Variants in TAF12 observed in about 807,000 individuals in gnomAD.
TAF12 encodes transcription initiation factor TFIID subunit 12.
In TAF12, 3 loss-of-function variants were observed where a neutral mutation model predicts 20.8. The ratio of observed to expected loss-of-function variants is 0.14; its 90% CI spans 0.07 to 0.37. TAF12 has a LOEUF of 0.37. Ranked by LOEUF, TAF12 falls within the 10% of genes least tolerant of loss-of-function variation. The probability of loss-of-function intolerance (pLI) is 1.00; values close to 1 mark genes in which losing one functional copy is unlikely to be tolerated. For synonymous variants in TAF12, 69 were observed against 70.2 expected (o/e 0.98, Z 0.09); for missense variants, 131 against 197.9 (o/e 0.66, Z 2.03).
chr1:28,616,448 G>A (rs1284434327), intron 3 of TAF12, among the ~76,000 whole-genome samples: 2 of 150,052 alleles, frequency 1.3e-5, no homozygotes, highest in Non-Finnish European at 3.0e-5. Flanking sequence ...AAGTTATATG[G>A]ACCAGCAGGC....
intron 1 of TAF12, among the ~76,000 whole-genome samples, chr1:28,640,874 A>C (rs1326839958): frequency 6.6e-6 from 1 of 152,064 alleles, no homozygotes; most frequent in Non-Finnish European, 1.5e-5. Context: ...CCAAGAATTC[A>C]ACAGCAGCCT....
intron 4 of TAF12, among the ~76,000 whole-genome samples, chr1:28,611,087 G>C (rs1043037046): frequency 2.6e-5 from 4 of 151,870 alleles, no homozygotes; most frequent in African/African-American, 9.7e-5. Context: ...TGTTAGAAAA[G>C]GCCATGAAGT....
chr1:28,603,875 A>T (rs1228637674), intron 5 of TAF12, among the ~76,000 whole-genome samples: 1 of 152,136 alleles, frequency 6.6e-6, no homozygotes, highest in African/African-American at 2.4e-5. Flanking sequence ...TGACTTAGAG[A>T]ATAAGCTGGC....
chr1:28,627,854 A>G (rs1176067064), intron 1 of TAF12, among the ~76,000 whole-genome samples: 2 of 152,012 alleles, frequency 1.3e-5, no homozygotes, highest in African/African-American at 4.8e-5. Context: ...TAAAAACTAA[A>G]CGAAACAAAA....
chr1:28,608,816 A>T (rs1039649351), intron 4 of TAF12, among the ~76,000 whole-genome samples: 1 of 151,558 alleles, frequency 6.6e-6, no homozygotes, highest in African/African-American at 2.4e-5. Flanking sequence ...GAGGGCGCCT[A>T]CGTAATCCCA....
chr1:28,626,535 C>T (rs1473867787), intron 1 of TAF12, among the ~76,000 whole-genome samples: 2 of 142,548 alleles, frequency 1.4e-5, no homozygotes, highest in Non-Finnish European at 3.0e-5. Context: ...GGGCCGAGAT[C>T]ATGCCACTGC....
At chr1:28,627,665 CAAAAAAAAA>C (rs61016146) in intron 1 of TAF12, among the ~76,000 whole-genome samples, 1 of 103,498 alleles carries the variant, frequency 9.7e-6, no homozygotes, top group Non-Finnish European at 1.8e-5. Flanking sequence ...TGCACTCCCT[CAAAAAAAAA>C]AAAAAAAAAA....
chr1:28,613,182 A>C, intron 4 of TAF12, 65 bp downstream of exon 4: 1 of 1,399,436 alleles, frequency 7.1e-7, no homozygotes. Context: ...CTCTGACTAC[A>C]CTTTCCCTGG....
intron 3 of TAF12, 65 bp from the exon 4 acceptor site, chr1:28,613,426 A>G (rs777527734): frequency 4.4e-6 from 6 of 1,348,792 alleles, no homozygotes; most frequent in African/African-American, 1.4e-5. Context: ...TTGCTGGGAC[A>G]ACTGCTTTCA....
At chr1:28,645,639 A>T (rs1170064305), upstream of TAF12, among the ~76,000 whole-genome samples, 2 of 148,864 alleles carry the variant, frequency 1.3e-5, no homozygotes, top group East Asian at 2.0e-4. Flanking sequence ...CGGGAGCAAG[A>T]CTCCATCTCA....
chr1:28,610,243 C>T (rs1005989236), intron 4 of TAF12, among the ~76,000 whole-genome samples: 24 of 152,154 alleles, frequency 1.6e-4, no homozygotes, highest in African/African-American at 5.6e-4. Context: ...GCTCGGATTA[C>T]AGGCGTGAGC....
chr1:28,625,590 G>A (rs1256892022), intron 1 of TAF12, among the ~76,000 whole-genome samples: 1 of 145,916 alleles, frequency 6.9e-6, no homozygotes, highest in Non-Finnish European at 1.5e-5. Context: ...CGCCCAGGTC[G>A]GACTGCAGTG....
At chr1:28,633,165 T>C (rs1334998376) in intron 1 of TAF12, among the ~76,000 whole-genome samples, 3 of 108,516 alleles carry the variant, frequency 2.8e-5, no homozygotes, top group East Asian at 2.5e-4. Context: ...CCCGGCCTAC[T>C]TTTTTTTTTT....
rs74065033 is a variant in TAF12 at position 28,611,108 on chromosome 1, G to C, written c.361+2139C>G. Among the ~76,000 whole-genome samples, 386 of 152,112 alleles carry C rather than the reference G, an allele frequency of 2.5e-3. 1 individual carries two copies. Among genetic ancestry groups the C allele is most frequent in the African/African-American group, 9.0e-3 (375 of 41,524 alleles). ...AAAAGGCCATGAAGTTTTCTGCCAG[G>C]TGCTCATGGGATGTTAGTTCTGGGA... On this transcript the variant is annotated intron_variant, in intron 4 of 5. Transcript: ENST00000373824.
At chr1:28,618,107 G>C in intron 2 of TAF12, 77 bp from the exon 3 acceptor site, 1 of 1,391,026 alleles carries the variant, frequency 7.2e-7, no homozygotes, top group Non-Finnish European at 1.0e-6. Context: ...AATGAAGAAA[G>C]GCTGTCAAAT....
upstream of TAF12, among the ~76,000 whole-genome samples, chr1:28,644,302 C>T (rs1668130865): frequency 6.6e-6 from 1 of 152,176 alleles, no homozygotes; most frequent in East Asian, 1.9e-4. Flanking sequence ...ACCACGTTCC[C>T]AGTCCACCCT....
At chr1:28,623,190 G>C (rs565269956) in intron 1 of TAF12, among the ~76,000 whole-genome samples, 3 of 152,042 alleles carry the variant, frequency 2.0e-5, no homozygotes, top group African/African-American at 7.2e-5. Context: ...CAGCCTAGGT[G>C]ACAGAGTGAG....
Position 28,635,184 on chromosome 1 carries a change from C to T in TAF12, c.-85+7808G>A, listed in dbSNP as rs182551009. 2.9e-3 allele frequency among the ~76,000 whole-genome samples: 428 copies of T among 147,650 alleles called. 2 individuals are homozygous for T. Among genetic ancestry groups the T allele is most frequent in the African/African-American group, 0.01 (410 of 40,324 alleles). ...GGTGGAGCTTGCAGTGAGCCGAGAT[C>T]GCGCCACTGCACTCCAGCCTGGGCG... is the stretch of plus-strand genomic sequence containing the variant. On this transcript the variant is annotated intron_variant, in intron 1 of 5. Coordinates refer to ENST00000373824, the MANE Select transcript of TAF12 (RefSeq NM_005644.4).
intron 1 of TAF12, among the ~76,000 whole-genome samples, chr1:28,633,878 C>T (rs953813607): frequency 7.1e-6 from 1 of 139,964 alleles, no homozygotes; most frequent in Admixed American, 7.7e-5. Flanking sequence ...TGCCATCGCA[C>T]TCCAGCCTGG....
Sources: allele counts gnomAD v4.1 joint callset (sites outside exome capture counted in the v4.1 genomes callset), GRCh38; gene constraint gnomAD v4.1.1; transcripts MANE v1.5; gene names NCBI Gene and HGNC (gene_info 2026-07-23, HGNC 2026-07-21).